The following FHOD3 variants were observed in gnomAD, a reference collection of about 807,000 sequenced individuals.
FHOD3 encodes FH1/FH2 domain-containing protein 3.
FHOD3 carries 90 observed loss-of-function variants against 173.0 expected under a neutral mutation model. The ratio of observed to expected loss-of-function variants is 0.52; its 90% confidence interval spans 0.44 to 0.62. FHOD3 has a LOEUF of 0.62. Ranked by LOEUF, FHOD3 falls within the 20% of genes least tolerant of loss-of-function variation. The probability of loss-of-function intolerance (pLI) is 0.00; values close to 1 mark genes in which losing one functional copy is unlikely to be tolerated. For synonymous variants in FHOD3, 828 were observed against 823.0 expected (o/e 1.01, Z -0.10); for missense variants, 1,945 against 2,034.7 (o/e 0.96, Z 0.85).
chr18:36,705,266 A>G (rs1261761963), intron 17 of FHOD3, among the ~76,000 whole-genome samples: 4 of 152,184 alleles, frequency 2.6e-5, no homozygotes, highest in Admixed American at 6.5e-5. Flanking sequence ...CTGCCAGGCC[A>G]CGCAGCTTTC....
chr18:36,389,296 C>G lies in FHOD3; in HGVS notation c.337+16552C>G, dbSNP rs113230454. On this transcript the variant is annotated intron_variant, in intron 3 of 28. Transcript: ENST00000590592. Reference sequence around the variant, plus strand: ...TTAGGTCAACACTCCCAGACCCCAACACTGAAGAACTCACCTTCATATTCC... The same window carrying G: ...TTAGGTCAACACTCCCAGACCCCAAGACTGAAGAACTCACCTTCATATTCC... Among the ~76,000 whole-genome samples the G allele has an allele frequency of 1.3e-3, 199 of 152,324 alleles. 2 individuals are homozygous for G. Among genetic ancestry groups the G allele is most frequent in the African/African-American group, 4.5e-3 (186 of 41,574 alleles).
chr18:36,486,807 C>G (rs1439652304), intron 3 of FHOD3, among the ~76,000 whole-genome samples: 1 of 152,214 alleles, frequency 6.6e-6, no homozygotes, highest in Non-Finnish European at 1.5e-5. Flanking sequence ...TTTTCCCTAT[C>G]AATCTCCGCT....
intron 1 of FHOD3, among the ~76,000 whole-genome samples, chr18:36,304,254 C>T (rs530455494): frequency 1.3e-5 from 2 of 152,276 alleles, no homozygotes; most frequent in East Asian, 3.9e-4. Flanking sequence ...TTCAGAGATA[C>T]ATACTGAAAT....
chr18:36,434,869 AT>A (rs1255975445), intron 3 of FHOD3, among the ~76,000 whole-genome samples: 2 of 152,002 alleles, frequency 1.3e-5, no homozygotes, highest in African/African-American at 4.8e-5. Context: ...TAAAATTGAT[AT>A]TTTTATATTA....
At chr18:36,480,538 G>C (rs1045800755) in intron 3 of FHOD3, among the ~76,000 whole-genome samples, 1 of 152,164 alleles carries the variant, frequency 6.6e-6, no homozygotes, top group Non-Finnish European at 1.5e-5. Context: ...AAATATTTTA[G>C]TTATTCAAAG....
Position 36,509,814 on chromosome 18 carries a change from T to A in FHOD3, c.406-2624T>A, listed in dbSNP as rs575394972. On this transcript the variant is annotated intron_variant, in intron 4 of 28. Transcript: ENST00000590592. ...TCAACCAAGTTCACTCTGTAGTGTT[T>A]GTTCTCTGAATTCCCAGGACCGTCA... is the stretch of plus-strand genomic sequence containing the variant. Among the ~76,000 whole-genome samples the A allele has an allele frequency of 5.9e-5, 9 of 152,364 alleles. No homozygotes were observed. The East Asian group carries it at 1.7e-3, about 29-fold the overall frequency.
chr18:36,534,904 T>G (rs2056932128), intron 5 of FHOD3, among the ~76,000 whole-genome samples: 1 of 152,182 alleles, frequency 6.6e-6, no homozygotes. Flanking sequence ...TTCAAAACAC[T>G]CAGGAACATC....
intron 3 of FHOD3, among the ~76,000 whole-genome samples, chr18:36,480,180 G>A (rs1599312022): frequency 1.3e-5 from 2 of 152,132 alleles, no homozygotes; most frequent in South Asian, 2.1e-4. Context: ...TCTGAGGTCC[G>A]GTGTCCACAT....
intron 24 of FHOD3, among the ~76,000 whole-genome samples, chr18:36,749,300 C>A (rs148033573): frequency 2.0e-5 from 3 of 152,196 alleles, no homozygotes; most frequent in Admixed American, 2.0e-4. Context: ...GCCCAGTATC[C>A]GATAGTTATC....
At chr18:36,691,876 T>C (rs1351858737) in intron 16 of FHOD3, among the ~76,000 whole-genome samples, 4 of 152,254 alleles carry the variant, frequency 2.6e-5, no homozygotes, top group African/African-American at 9.6e-5. Context: ...GTAATCTTCC[T>C]GTTCATGAAA....
At chr18:36,705,864 C>T (rs775744139) in intron 17 of FHOD3, among the ~76,000 whole-genome samples, 4 of 151,984 alleles carry the variant, frequency 2.6e-5, no homozygotes, top group Non-Finnish European at 5.9e-5. Flanking sequence ...CCCGTTTCCT[C>T]GGGACTTGGT....
intron 1 of FHOD3, among the ~76,000 whole-genome samples, chr18:36,322,935 C>T (rs1941448): frequency 0.017 from 2,588 of 152,316 alleles, 66 homozygotes; most frequent in African/African-American, 0.058. Flanking sequence ...ACCTGCCAAC[C>T]CTCAGGCTGG....
At chr18:36,644,281 G>A (rs927169506) in intron 10 of FHOD3, among the ~76,000 whole-genome samples, 3 of 152,178 alleles carry the variant, frequency 2.0e-5, no homozygotes, top group South Asian at 2.1e-4. Flanking sequence ...ATTAAGTTAC[G>A]CTTTATAAGA....
At chr18:36,716,741 G>A (rs996277055) in intron 18 of FHOD3, among the ~76,000 whole-genome samples, 3 of 152,176 alleles carry the variant, frequency 2.0e-5, no homozygotes, top group Non-Finnish European at 4.4e-5. Flanking sequence ...GGTGGTGGGA[G>A]CAATAGCTCC....
chr18:36,384,949 TAC>T (rs923008826), intron 3 of FHOD3, among the ~76,000 whole-genome samples: 5 of 152,294 alleles, frequency 3.3e-5, no homozygotes, highest in African/African-American at 1.2e-4. Flanking sequence ...TTTGTTGCCT[TAC>T]AAACCATTAG....
intron 6 of FHOD3, among the ~76,000 whole-genome samples, chr18:36,582,817 G>A (rs2058901921): frequency 6.6e-6 from 1 of 152,174 alleles, no homozygotes; most frequent in South Asian, 2.1e-4. Context: ...AGCAGCCTTG[G>A]CTGTTGCCTC....
chr18:36,771,392 G>A (rs955307592), intron 28 of FHOD3, among the ~76,000 whole-genome samples: 4 of 152,168 alleles, frequency 2.6e-5, no homozygotes, highest in Admixed American at 2.6e-4. Flanking sequence ...CTATCTGCAG[G>A]CTGTGAAATA....
At chr18:36,550,171 C>T (rs1055681974) in intron 5 of FHOD3, among the ~76,000 whole-genome samples, 1 of 148,824 alleles carries the variant, frequency 6.7e-6, no homozygotes, top group African/African-American at 2.5e-5. Context: ...CTAAAAATCA[C>T]TTTGTGTGTG....
chr18:36,604,113 G>C (rs897086677), intron 8 of FHOD3, among the ~76,000 whole-genome samples: 3 of 152,174 alleles, frequency 2.0e-5, no homozygotes, highest in African/African-American at 7.2e-5. Flanking sequence ...TGCTGACCCA[G>C]AACAGGCCCA....
Sources: gnomAD v4.1 joint callset for allele counts (sites outside exome capture counted in the v4.1 genomes callset) on GRCh38, gnomAD v4.1.1 for gene constraint, MANE v1.5 for transcripts, NCBI Gene and HGNC (gene_info 2026-07-23, HGNC 2026-07-21) for gene names.